Variants in DPP10 observed in about 807,000 individuals in gnomAD.
The protein encoded by DPP10 is dipeptidyl peptidase like 10.
DPP10 carries 33 observed loss-of-function variants against 120.9 expected under a neutral mutation model. The observed-to-expected ratio is 0.27, with a 90% CI of 0.21 to 0.37. The LOEUF (loss-of-function observed/expected upper bound fraction) is 0.37. DPP10 is among the 10% of genes least tolerant of loss of function. The pLI is 1.00. For synonymous variants in DPP10, 337 were observed against 326.1 expected (o/e 1.03, Z -0.36); for missense variants, 816 against 942.8 (o/e 0.87, Z 1.76).
chr2:115,302,397 TG>T (rs1359622901), intron 1 of DPP10, among the ~76,000 whole-genome samples: 1 of 151,740 alleles, frequency 6.6e-6, no homozygotes, highest in Non-Finnish European at 1.5e-5. Flanking sequence ...ACAAATTAAT[TG>T]TAAAAAAACA....
chr2:115,340,190 A>G (rs2063375007), intron 2 of DPP10, among the ~76,000 whole-genome samples: 1 of 152,222 alleles, frequency 6.6e-6, no homozygotes, highest in South Asian at 2.1e-4. Context: ...CAGATGCTAT[A>G]ATTTAATATG....
chr2:115,279,961 C>G (rs1349954430), intron 1 of DPP10, among the ~76,000 whole-genome samples: 1 of 152,086 alleles, frequency 6.6e-6, no homozygotes, highest in Non-Finnish European at 1.5e-5. Flanking sequence ...ACACTTTAAG[C>G]TTTCTTATGA....
chr2:115,097,175 T>TAAATA (rs59774491), intron 1 of DPP10, among the ~76,000 whole-genome samples: 31,176 of 151,782 alleles, frequency 0.21, 3,904 homozygotes, highest in East Asian at 0.36. Flanking sequence ...AACAAATAAA[T>TAAATA]AAAGTCATAG....
intron 1 of DPP10, among the ~76,000 whole-genome samples, chr2:114,768,282 T>C (rs1241073792): frequency 6.6e-6 from 1 of 152,082 alleles, no homozygotes; most frequent in African/African-American, 2.4e-5. Flanking sequence ...CTAAAGGATA[T>C]ATTCCAAAAG....
intron 1 of DPP10, chr2:115,064,829 G>C: frequency 7.7e-7 from 1 of 1,303,856 alleles, no homozygotes; most frequent in Non-Finnish European, 1.0e-6. Context: ...ACCTAGGTTT[G>C]TTTAGTCTTC....
intron 1 of DPP10, among the ~76,000 whole-genome samples, chr2:115,243,119 T>C (rs1201198151): frequency 6.6e-6 from 1 of 152,212 alleles, no homozygotes; most frequent in African/African-American, 2.4e-5. Flanking sequence ...CAAGTAAGGT[T>C]TATCAAATAT....
At chr2:114,873,250 A>T (rs369333570) in intron 1 of DPP10, among the ~76,000 whole-genome samples, 1 of 152,274 alleles carries the variant, frequency 6.6e-6, no homozygotes, top group African/African-American at 2.4e-5. Context: ...AAGGTGGCAC[A>T]TGTTCCTCTT....
intron 2 of DPP10, among the ~76,000 whole-genome samples, chr2:115,315,168 C>T (rs1441607567): frequency 6.7e-6 from 1 of 150,334 alleles, no homozygotes; most frequent in Non-Finnish European, 1.5e-5. Flanking sequence ...AGAATCCTCT[C>T]TGTTCCTATT....
chr2:115,705,363 T>G lies in DPP10; in HGVS notation c.576+15442T>G, dbSNP rs554500996. On this transcript the variant is annotated intron_variant, in intron 7 of 25. Coordinates refer to ENST00000410059, the MANE Select transcript of DPP10 (RefSeq NM_020868.6). ...ATCTCATCAGGATGTGTTCAAGAAATGTATGATAAGCATACACAAATATAT... is the reference window on the plus strand; with the variant it reads ...ATCTCATCAGGATGTGTTCAAGAAAGGTATGATAAGCATACACAAATATAT... Among the ~76,000 whole-genome samples, 15 of 152,066 alleles carry G rather than the reference T, an allele frequency of 9.9e-5. No individual in the cohort carries two copies. The South Asian group carries it at 2.9e-3, about 29-fold the overall frequency.
chr2:114,998,932 G>A (rs1701265180), intron 1 of DPP10, among the ~76,000 whole-genome samples: 1 of 152,124 alleles, frequency 6.6e-6, no homozygotes, highest in African/African-American at 2.4e-5. Context: ...CCACTTTTCA[G>A]GGTTCATATG....
At chr2:115,667,004 A>G (rs993753699) in intron 5 of DPP10, among the ~76,000 whole-genome samples, 2 of 152,064 alleles carry the variant, frequency 1.3e-5, no homozygotes, top group South Asian at 2.1e-4. Flanking sequence ...GCCTTTCACC[A>G]TGATTGTAAG....
Position 115,673,860 on chromosome 2 carries a change from G to A in DPP10, c.442-15827G>A, listed in dbSNP as rs188386625. Reference sequence around the variant, plus strand: ...CCAAGAGTTCATATATTTATAAATTGTATCTAATGATTTTTATGATTCGGA... The same window carrying A: ...CCAAGAGTTCATATATTTATAAATTATATCTAATGATTTTTATGATTCGGA... On this transcript the variant is annotated intron_variant, in intron 5 of 25. Coordinates refer to ENST00000410059, the MANE Select transcript of DPP10 (RefSeq NM_020868.6). 4.2e-3 allele frequency among the ~76,000 whole-genome samples: 635 copies of A among 152,214 alleles called. 4 individuals carry two copies. Among genetic ancestry groups the A allele is most frequent in the African/African-American group, 0.015 (614 of 41,548 alleles).
At chr2:114,589,233 G>T (rs905054285) in intron 1 of DPP10, among the ~76,000 whole-genome samples, 2 of 152,114 alleles carry the variant, frequency 1.3e-5, no homozygotes, top group African/African-American at 4.8e-5. Context: ...AAGTAGGTCA[G>T]TTTTATAAAG....
intron 5 of DPP10, among the ~76,000 whole-genome samples, chr2:115,652,236 C>T (rs1289381581): frequency 6.6e-6 from 1 of 151,722 alleles, no homozygotes; most frequent in Non-Finnish European, 1.5e-5. Flanking sequence ...ATGATTGCAC[C>T]CATTTTACAG....
At chr2:114,741,223 T>A (rs1006040274) in intron 1 of DPP10, among the ~76,000 whole-genome samples, 2 of 152,202 alleles carry the variant, frequency 1.3e-5, no homozygotes, top group African/African-American at 4.8e-5. Context: ...CAGGCATGCA[T>A]AACCTTTCTG....
chr2:114,926,349 G>C (rs537016749), intron 1 of DPP10, among the ~76,000 whole-genome samples: 2 of 152,258 alleles, frequency 1.3e-5, no homozygotes, highest in Admixed American at 1.3e-4. Flanking sequence ...AGAATGAATT[G>C]ACAATAATAG....
chr2:115,033,416 GCTCA>G (rs1324779077), intron 1 of DPP10, among the ~76,000 whole-genome samples: 3 of 151,928 alleles, frequency 2.0e-5, no homozygotes, highest in Non-Finnish European at 4.4e-5. Context: ...GGCTCCTTTT[GCTCA>G]GCCATATATT....
chr2:114,577,039 A>T (rs560233948), intron 1 of DPP10, among the ~76,000 whole-genome samples: 56 of 152,326 alleles, frequency 3.7e-4, no homozygotes, highest in African/African-American at 1.2e-3. Flanking sequence ...AGAAAAATAT[A>T]TGGTATGTTA....
At chr2:115,675,380 A>C (rs1420646713) in intron 5 of DPP10, among the ~76,000 whole-genome samples, 1 of 152,220 alleles carries the variant, frequency 6.6e-6, no homozygotes, top group East Asian at 1.9e-4. Flanking sequence ...AGATGTCATC[A>C]AGATGGCTTA....
Sources: allele counts gnomAD v4.1 joint callset (sites outside exome capture counted in the v4.1 genomes callset), GRCh38; gene constraint gnomAD v4.1.1; transcripts MANE v1.5; gene names NCBI Gene and HGNC (gene_info 2026-07-23, HGNC 2026-07-21).